Variants in UNC5D observed in about 807,000 individuals in gnomAD.
The protein encoded by UNC5D is unc-5 netrin receptor D.
A neutral mutation model predicts 105.4 loss-of-function variants in UNC5D; 39 were observed. The ratio of observed to expected loss-of-function variants is 0.37; its 90% CI spans 0.29 to 0.48. The LOEUF (loss-of-function observed/expected upper bound fraction) is 0.48. Ranked by LOEUF, UNC5D falls within the 20% of genes least tolerant of loss-of-function variation. UNC5D has a pLI of 0.98. For synonymous variants in UNC5D, 452 were observed against 450.4 expected (o/e 1.00, Z -0.04); for missense variants, 991 against 1,202.4 (o/e 0.82, Z 2.60).
intron 4 of UNC5D, among the ~76,000 whole-genome samples, chr8:35,597,318 G>C (rs751418516): frequency 6.6e-6 from 1 of 152,148 alleles, no homozygotes; most frequent in African/African-American, 2.4e-5. Context: ...AAACAAAAAA[G>C]ATATTGATCT....
intron 1 of UNC5D, among the ~76,000 whole-genome samples, chr8:35,370,575 A>G (rs554673405): frequency 6.6e-6 from 1 of 152,186 alleles, no homozygotes; most frequent in African/African-American, 2.4e-5. Flanking sequence ...AATGTTGTAT[A>G]TATTTCTTAA....
At chr8:35,616,855 GA>G (rs1169507287) in intron 4 of UNC5D, among the ~76,000 whole-genome samples, 1 of 152,164 alleles carries the variant, frequency 6.6e-6, no homozygotes, top group Non-Finnish European at 1.5e-5. Flanking sequence ...CATTTTTAAA[GA>G]AACCTCATAT....
chr8:35,501,059 A>G (rs1458874059), intron 1 of UNC5D, among the ~76,000 whole-genome samples: 3 of 152,158 alleles, frequency 2.0e-5, no homozygotes, highest in Middle Eastern at 3.2e-3. Context: ...AGTGGTTAGC[A>G]CAGCACTTGT....
chr8:35,447,319 CA>C (rs1472978968), intron 1 of UNC5D, among the ~76,000 whole-genome samples: 1 of 151,912 alleles, frequency 6.6e-6, no homozygotes, highest in East Asian at 1.9e-4. Flanking sequence ...ATATAGCATT[CA>C]GGGGGTTAAT....
At chr8:35,601,269 A>G (rs1819863346) in intron 4 of UNC5D, among the ~76,000 whole-genome samples, 1 of 152,066 alleles carries the variant, frequency 6.6e-6, no homozygotes, top group Admixed American at 6.6e-5. Context: ...CTTAGGATTG[A>G]CTTGGCAATG....
At chr8:35,766,792 CGTT>C (rs1275798229) in intron 14 of UNC5D, 107 bp from the exon 15 acceptor site, 23 of 1,275,090 alleles carry the variant, frequency 1.8e-5, no homozygotes, top group African/African-American at 3.1e-5. Flanking sequence ...TTGTCCTCAT[CGTT>C]GTTGTTGTCG....
chr8:35,618,777 C>T (rs1268277251), intron 4 of UNC5D, among the ~76,000 whole-genome samples: 1 of 152,204 alleles, frequency 6.6e-6, no homozygotes, highest in Non-Finnish European at 1.5e-5. Context: ...TCTTTGGTTT[C>T]AAAGCCTAAA....
intron 1 of UNC5D, among the ~76,000 whole-genome samples, chr8:35,522,810 T>C (rs182779181): frequency 1.0e-3 from 158 of 152,320 alleles, no homozygotes; most frequent in Non-Finnish European, 1.8e-3. Context: ...CCTCTCTTCC[T>C]TTCTGCTTTT....
rs550655329 is a variant in UNC5D, at chr8:35,242,613, G to C, written c.103+6726G>C. Among the ~76,000 whole-genome samples the C allele has an allele frequency of 3.5e-4, 54 of 152,210 alleles. 3 individuals carry two copies. The East Asian group carries it at 9.3e-3, about 26-fold the overall frequency. On this transcript the variant is annotated intron_variant, in intron 1 of 16. Transcript: ENST00000404895. ...CTGCCTCAGCCTCCCGAGTAGCTGGGATTACAGGCATGCACCATTGTGCCT... is the reference window on the plus strand; with the variant it reads ...CTGCCTCAGCCTCCCGAGTAGCTGGCATTACAGGCATGCACCATTGTGCCT...
intron 1 of UNC5D, among the ~76,000 whole-genome samples, chr8:35,271,048 A>AT (rs1403101433): frequency 1.3e-5 from 2 of 151,732 alleles, no homozygotes; most frequent in African/African-American, 4.8e-5. Flanking sequence ...TGTCACAGTA[A>AT]TCATAACTGA....
chr8:35,429,825 G>A (rs1225593034), intron 1 of UNC5D, among the ~76,000 whole-genome samples: 1 of 151,740 alleles, frequency 6.6e-6, no homozygotes, highest in African/African-American at 2.4e-5. Flanking sequence ...TCTTTTTTTT[G>A]TTACTATAGA....
chr8:35,320,282 T>G (rs1174677434), intron 1 of UNC5D, among the ~76,000 whole-genome samples: 1 of 152,068 alleles, frequency 6.6e-6, no homozygotes, highest in Non-Finnish European at 1.5e-5. Context: ...AGAGTTAAGT[T>G]ATTATCTTAA....
chr8:35,627,086 A>C (rs2131057861), intron 4 of UNC5D, among the ~76,000 whole-genome samples: 1 of 152,336 alleles, frequency 6.6e-6, no homozygotes, highest in South Asian at 2.1e-4. Flanking sequence ...CAACAATTTC[A>C]TTAATTTTGC....
At chr8:35,451,279 G>C (rs566107895) in intron 1 of UNC5D, among the ~76,000 whole-genome samples, 1 of 152,062 alleles carries the variant, frequency 6.6e-6, no homozygotes, top group Non-Finnish European at 1.5e-5. Context: ...CCAACCTCAG[G>C]TGATCCGCCT....
intron 2 of UNC5D, among the ~76,000 whole-genome samples, chr8:35,561,066 C>A (rs1816922026): frequency 6.6e-6 from 1 of 152,172 alleles, no homozygotes; most frequent in Non-Finnish European, 1.5e-5. Flanking sequence ...GGGCCTTGCT[C>A]ACCCTGTAGG....
chr8:35,404,039 C>T lies in UNC5D; in HGVS notation c.104-145253C>T, dbSNP rs186187268. The stretch of plus-strand genomic sequence containing the variant: ...CACTTGTTCTCCCAGCCTGAGGTCC[C>T]GCAGATGGTATTCCCTTCTCTAGCA... On this transcript the variant is annotated intron_variant, in intron 1 of 16. Coordinates refer to ENST00000404895, the MANE Select transcript of UNC5D (RefSeq NM_080872.4). Among the ~76,000 whole-genome samples, 24 of 152,250 alleles carry T rather than the reference C, an allele frequency of 1.6e-4. No individual in the cohort carries two copies. In the East Asian group the frequency reaches 3.7e-3, roughly 23 times the overall value.
intron 1 of UNC5D, among the ~76,000 whole-genome samples, chr8:35,282,913 T>G (rs1806295449): frequency 6.6e-6 from 1 of 152,174 alleles, no homozygotes; most frequent in African/African-American, 2.4e-5. Context: ...CTCTCTTTTT[T>G]TGGGCAGCTT....
At chr8:35,544,791 C>T (rs1260546332) in intron 1 of UNC5D, among the ~76,000 whole-genome samples, 1 of 151,568 alleles carries the variant, frequency 6.6e-6, no homozygotes, top group African/African-American at 2.4e-5. Context: ...TTAGTAGAGA[C>T]GGGGTTTCAC....
intron 1 of UNC5D, among the ~76,000 whole-genome samples, chr8:35,267,547 T>A (rs555200381): frequency 2.0e-5 from 3 of 152,238 alleles, no homozygotes; most frequent in Admixed American, 6.5e-5. Context: ...CAAGTGATTT[T>A]CCTGACTCAG....
Sources: allele counts gnomAD v4.1 joint callset (sites outside exome capture counted in the v4.1 genomes callset), GRCh38; gene constraint gnomAD v4.1.1; transcripts MANE v1.5; gene names NCBI Gene and HGNC (gene_info 2026-07-23, HGNC 2026-07-21).